The following CLASRP variants were observed in gnomAD, a reference collection of about 807,000 sequenced individuals.
CLASRP encodes CLK4-associating serine/arginine rich protein.
CLASRP carries 52 observed loss-of-function variants against 99.9 expected under a neutral mutation model. The observed-to-expected ratio is 0.52, with a 90% CI of 0.42 to 0.66. CLASRP has a LOEUF of 0.66. CLASRP is among the 30% of genes least tolerant of loss of function. The pLI is 0.00. For synonymous variants in CLASRP, 379 were observed against 373.0 expected (o/e 1.02, Z -0.18); for missense variants, 848 against 999.2 (o/e 0.85, Z 2.04).
chr19:45,070,719 C>T, intron 20 of CLASRP, 84 bp from the exon 21 acceptor site: 1 of 1,339,056 alleles, frequency 7.5e-7, no homozygotes, highest in Non-Finnish European at 1.1e-6. Context: ...CAGACAAGTG[C>T]CCCGATCACT....
chr19:45,069,535 T>G, intron 18 of CLASRP: 1 of 562,550 alleles, frequency 1.8e-6, no homozygotes, highest in Non-Finnish European at 3.2e-6. Flanking sequence ...CTGTTCCTGA[T>G]ACCCCTTCCC....
In CLASRP at chr19:45,068,320, C is replaced by T. The variant is rs1045626752; in HGVS notation, c.1708-100C>T. 2.1e-5 allele frequency: 13 copies of T among 623,042 alleles called. 1 individual carries two copies. Among genetic ancestry groups the T allele is most frequent in the South Asian group, 9.4e-5 (5 of 53,214 alleles). 38.6% of individuals were successfully genotyped at this position (623,042 alleles called of 1,614,324 possible). A position where few individuals can be genotyped will look rare whatever the true frequency, so the allele number is the denominator to read the frequency against. On this transcript the variant is annotated intron_variant, in intron 15 of 20. Coordinates refer to ENST00000221455, the MANE Select transcript of CLASRP (RefSeq NM_007056.3). ...CCTCCCCACGTCGTTCTCCCCCCCC[C>T]ACCCCCCCCCCGCACAAAGCCCCAG...
intron 6 of CLASRP, among the ~76,000 whole-genome samples, chr19:45,057,202 G>C (rs575243823): frequency 8.5e-5 from 13 of 152,298 alleles, no homozygotes; most frequent in African/African-American, 2.4e-4. Flanking sequence ...GTGCACGGTA[G>C]CCTGGAGCCC....
chr19:45,046,874 A>C (rs555784282), intron 2 of CLASRP, among the ~76,000 whole-genome samples: 18 of 152,290 alleles, frequency 1.2e-4, no homozygotes, highest in African/African-American at 4.3e-4. Context: ...CTAAAAATAC[A>C]AAATTAGCTG....
chr19:45,052,013 A>T, intron 2 of CLASRP, 58 bp from the exon 3 acceptor site: 2 of 1,323,446 alleles, frequency 1.5e-6, no homozygotes, highest in South Asian at 1.2e-5. Context: ...GTTGTGTGTG[A>T]GGGGGTGGGG....
chr19:45,050,083 A>G (rs1792263460), intron 2 of CLASRP, among the ~76,000 whole-genome samples: 1 of 151,928 alleles, frequency 6.6e-6, no homozygotes, highest in African/African-American at 2.4e-5. Flanking sequence ...AGCACGGGGC[A>G]TGTCTGGAAT....
chr19:45,049,508 ACATAG>A, intron 2 of CLASRP, among the ~76,000 whole-genome samples: 1 of 152,220 alleles, frequency 6.6e-6, no homozygotes, highest in Non-Finnish European at 1.5e-5. Flanking sequence ...AGCACCTGGC[ACATAG>A]TGAGTGCGGG....
chr19:45,041,781 C>T (rs1220324593), intron 2 of CLASRP, among the ~76,000 whole-genome samples: 1 of 152,212 alleles, frequency 6.6e-6, no homozygotes, highest in African/African-American at 2.4e-5. Context: ...GGCCTTTGCC[C>T]TTCCTCCAGA....
Position 45,060,278 on chromosome 19 carries a change from G to A in CLASRP, c.711-111G>A, listed in dbSNP as rs1966909558. 2.3e-6 allele frequency: 2 copies of A among 882,926 alleles called. No homozygotes were observed. Among genetic ancestry groups the A allele is most frequent in the South Asian group, 1.4e-5 (1 of 71,126 alleles). The allele number at this position is 882,926 out of a possible 1,614,324, so 54.7% of individuals were successfully genotyped here. On this transcript the variant is annotated intron_variant, in intron 8 of 20. Coordinates refer to ENST00000221455, the MANE Select transcript of CLASRP (RefSeq NM_007056.3). This position sits in a 1 kb window ranked among gnomAD's most constrained non-coding sequence, Gnocchi z 4.6. ...GTGGCATTGAATGAAAGATACCTCA[G>A]GCTGGCGTGGGGTGACTCAGGTCCC...
Position 45,069,205 on chromosome 19 carries a change from C to CGGGAAGACGAGCTTCG in CLASRP, c.1832_1847dup (p.Ala617GlyfsTer83). The CGGGAAGACGAGCTTCG allele has an allele frequency of 6.2e-7, 1 of 1,613,990 alleles. No homozygotes were observed. Among genetic ancestry groups the CGGGAAGACGAGCTTCG allele is most frequent in the East Asian group, 2.2e-5 (1 of 44,876 alleles). On this transcript the variant is annotated frameshift_variant, in exon 18 of 21. Coordinates refer to ENST00000221455, the MANE Select transcript of CLASRP (RefSeq NM_007056.3). LOFTEE classifies it high-confidence loss of function. Reference sequence around the variant, plus strand: ...CTCATAGCCCTGTCTGCTGCAGGAGCGGGAAGACGAGCTTCGAGCCATGGC... The same window carrying CGGGAAGACGAGCTTCG: ...CTCATAGCCCTGTCTGCTGCAGGAGCGGGAAGACGAGCTTCGGGGAAGACGAGCTTCGAGCCATGGC...
chr19:45,067,310 C>T lies in CLASRP; in HGVS notation c.1410-27C>T. ...GTTGGGGTCCCTGGAGCCTCACAGT[C>T]CTCCTCCCGCCCTGCTGCATCCCCA... On this transcript the variant is annotated intron_variant, in intron 13 of 20. Coordinates refer to ENST00000221455, the MANE Select transcript of CLASRP (RefSeq NM_007056.3). The surrounding 1 kb of genome is among the most constrained non-coding windows in gnomAD (Gnocchi z 4.9). 3 of 1,477,278 alleles carry T rather than the reference C, an allele frequency of 2.0e-6. No individual in the cohort carries two copies. The highest frequency in any genetic ancestry group is 1.8e-6 in the Non-Finnish European group (2 of 1,117,676). The allele number at this position is 1,477,278 out of a possible 1,614,324, so 91.5% of individuals were successfully genotyped here.
At position 45,064,236 on chromosome 19, in the gene CLASRP, C is replaced by T. The variant is rs923418105; in HGVS notation, c.1121+9C>T. 3 of 1,574,692 alleles carry T rather than the reference C, an allele frequency of 1.9e-6. No individual in the cohort carries two copies. Among genetic ancestry groups the T allele is most frequent in the South Asian group, 1.1e-5 (1 of 87,688 alleles). Reference sequence around the variant, plus strand: ...CGTAATGCCAGCGCCCGGTCGGTAACGCTCACGCCGCCCGCCCTACGCCCC... The same window carrying T: ...CGTAATGCCAGCGCCCGGTCGGTAATGCTCACGCCGCCCGCCCTACGCCCC... On this transcript the variant is annotated intron_variant, in intron 12 of 20. Coordinates refer to ENST00000221455, the MANE Select transcript of CLASRP (RefSeq NM_007056.3).
Position 45,070,113 on chromosome 19 carries a change from C to T in CLASRP, c.1957+9C>T. 1 of 1,516,004 alleles carries T rather than the reference C, an allele frequency of 6.6e-7. No homozygotes were observed. Among genetic ancestry groups the T allele is most frequent in the Non-Finnish European group, 9.2e-7 (1 of 1,090,548 alleles). The allele number at this position is 1,516,004 out of a possible 1,614,324, so 93.9% of individuals were successfully genotyped here. ...ACCCTCCCCCCGATACAGTGAGTGT[C>T]CCCACCAGGCTGCAGGGCTCTGGGG... On this transcript the variant is annotated intron_variant, in intron 19 of 20. Transcript: ENST00000221455.
intron 2 of CLASRP, among the ~76,000 whole-genome samples, chr19:45,043,682 A>T (rs1971860193): frequency 6.6e-6 from 1 of 152,086 alleles, no homozygotes; most frequent in Admixed American, 6.6e-5. Context: ...GACCGCTCTT[A>T]CTTCCACTCA....
Position 45,054,410 on chromosome 19 carries a change from C to T in CLASRP, c.379+1233C>T, listed in dbSNP as rs911532778. Among the ~76,000 whole-genome samples the T allele has an allele frequency of 1.2e-4, 19 of 152,290 alleles. No individual in the cohort carries two copies. The East Asian group carries it at 2.5e-3, about 20-fold the overall frequency. On this transcript the variant is annotated intron_variant, in intron 5 of 20. Transcript: ENST00000221455. Reference sequence around the variant, plus strand: ...GATTACCGGCGCATGCCACCATGCCCGGCTAAGTTTTGTAGTTTTAGTAGA... The same window carrying T: ...GATTACCGGCGCATGCCACCATGCCTGGCTAAGTTTTGTAGTTTTAGTAGA...
At chr19:45,057,448 A>G (rs569535547) in intron 6 of CLASRP, among the ~76,000 whole-genome samples, 1 of 152,308 alleles carries the variant, frequency 6.6e-6, no homozygotes, top group South Asian at 2.1e-4. Flanking sequence ...TGTGGGACTC[A>G]TGGTCTAGGC....
At chr19:45,044,355 A>G (rs1207782065) in intron 2 of CLASRP, among the ~76,000 whole-genome samples, 4 of 152,196 alleles carry the variant, frequency 2.6e-5, no homozygotes, top group African/African-American at 7.2e-5. Context: ...TGTGCTAACT[A>G]CTTGGCTTGT....
At chr19:45,065,617 C>G (rs962307158) in intron 13 of CLASRP, among the ~76,000 whole-genome samples, 1 of 151,272 alleles carries the variant, frequency 6.6e-6, no homozygotes, top group Admixed American at 6.6e-5. Flanking sequence ...GAGAGGCTAG[C>G]TCTAGGGATG....
Position 45,064,104 on chromosome 19 carries a change from G to A in CLASRP, c.998G>A (p.Gly333Glu). 1 of 1,612,080 alleles carries A rather than the reference G, an allele frequency of 6.2e-7. No individual in the cohort carries two copies. The highest frequency in any genetic ancestry group is 8.5e-7 in the Non-Finnish European group (1 of 1,179,746). The change falls in exon 12 of 21, where the codon GGG becomes GAG. Residue 333 changes from glycine (G) to glutamate (E), a missense_variant. By Grantham distance (98) the Gly-to-Glu change is moderately conservative. Coordinates refer to ENST00000221455, the MANE Select transcript of CLASRP (RefSeq NM_007056.3). ...EEKITFITSF[G>E]GSDEEAAAAA... ...AAGATCACGTTCATCACCAGTTTTG[G>A]GGGCAGCGATGAGGAGGCAGCCGCA... is the stretch of plus-strand genomic sequence containing the variant.
Sources: gnomAD v4.1 joint callset for allele counts (sites outside exome capture counted in the v4.1 genomes callset) on GRCh38, gnomAD v4.1.1 for gene constraint, Gnocchi (gnomAD v3.1) non-coding constraint, MANE v1.5 for transcripts, NCBI Gene and HGNC (gene_info 2026-07-23, HGNC 2026-07-21) for gene names.